ESR1: variants seen among roughly 807,000 people sequenced by gnomAD.
ESR1 encodes the protein estrogen receptor.
Under a neutral mutation model 52.7 loss-of-function variants are expected in ESR1, and 12 were observed. That is an observed-to-expected ratio of 0.23 (90% confidence interval 0.15 to 0.37). The LOEUF is 0.37. ESR1 is among the 10% of genes least tolerant of loss of function. The probability of loss-of-function intolerance (pLI) is 1.00; values close to 1 mark genes in which losing one functional copy is unlikely to be tolerated. For missense variants in ESR1, 584 were observed against 779.7 expected, an observed-to-expected ratio of 0.75 and a Z score of 2.99; for synonymous variants, 305 against 316.8, an observed-to-expected ratio of 0.96 and a Z score of 0.39.
chr6:152,017,365 G>A (rs1024698775), intron 5 of ESR1, among the ~76,000 whole-genome samples: 4 of 152,144 alleles, frequency 2.6e-5, no homozygotes, highest in African/African-American at 9.7e-5. Flanking sequence ...GTATCCTGCA[G>A]CAGTGAGTTC....
At chr6:151,702,761 T>G (rs553947946) in intron 2 of ESR1, among the ~76,000 whole-genome samples, 3 of 152,234 alleles carry the variant, frequency 2.0e-5, no homozygotes, top group Non-Finnish European at 2.9e-5. Flanking sequence ...AGTCCATTTC[T>G]CATTTCCTCC....
chr6:151,662,265 C>T (rs539089737), intron 1 of ESR1, among the ~76,000 whole-genome samples: 4 of 152,220 alleles, frequency 2.6e-5, no homozygotes, highest in Admixed American at 2.6e-4. Context: ...TCACAGAAGT[C>T]GAAGTTTCAT....
At chr6:152,013,483 A>T (rs933889863) in intron 5 of ESR1, among the ~76,000 whole-genome samples, 3 of 152,266 alleles carry the variant, frequency 2.0e-5, no homozygotes, top group African/African-American at 7.2e-5. Flanking sequence ...ATGTTGACAC[A>T]ATTATGCAGA....
At position 152,120,302 on chromosome 6, in the gene ESR1, G is replaced by A. The variant is rs530749920; in HGVS notation, c.851-4964G>A. Among the ~76,000 whole-genome samples, 88 of 152,300 alleles carry A rather than the reference G, an allele frequency of 5.8e-4. 1 individual carries two copies. The highest frequency in any genetic ancestry group is 2.0e-3 in the African/African-American group (82 of 41,582). The stretch of plus-strand genomic sequence containing the variant: ...AGTGACAGGAAAGTGAGGGAAGAGC[G>A]AGGCCTGAAGAGTGCTCCATCTCAG... On this transcript the variant is annotated intron_variant, in intron 6 of 6. Transcript: ENST00000427531.
intron 3 of ESR1, among the ~76,000 whole-genome samples, chr6:151,939,133 A>G (rs987519465): frequency 1.3e-5 from 2 of 152,218 alleles, no homozygotes; most frequent in Non-Finnish European, 2.9e-5. Flanking sequence ...ATGTTCATGT[A>G]TGAATGACAA....
chr6:151,966,721 A>G (rs1035809794), intron 4 of ESR1, among the ~76,000 whole-genome samples: 10 of 152,156 alleles, frequency 6.6e-5, no homozygotes, highest in Non-Finnish European at 7.3e-5. Flanking sequence ...TGCTAATAGT[A>G]CTTTTGTCCT....
chr6:151,659,010 T>G (rs978641977), intron 1 of ESR1, among the ~76,000 whole-genome samples: 1 of 152,120 alleles, frequency 6.6e-6, no homozygotes, highest in Non-Finnish European at 1.5e-5. Context: ...CTAAGGCAAG[T>G]TTTTTTGCTC....
At chr6:151,838,552 C>T (rs746242576) in intron 1 of ESR1, among the ~76,000 whole-genome samples, 1 of 152,188 alleles carries the variant, frequency 6.6e-6, no homozygotes, top group Non-Finnish European at 1.5e-5. Flanking sequence ...GTTATGTTAT[C>T]TTGATCTGAT....
chr6:152,060,551 G>T (rs1250563386), intron 5 of ESR1, among the ~76,000 whole-genome samples: 2 of 151,734 alleles, frequency 1.3e-5, no homozygotes, highest in Admixed American at 1.3e-4. Context: ...CAACCATCAG[G>T]ACTTGTTACA....
intron 4 of ESR1, among the ~76,000 whole-genome samples, chr6:151,946,043 A>G (rs543548093): frequency 1.3e-5 from 2 of 152,366 alleles, no homozygotes; most frequent in South Asian, 4.1e-4. Context: ...GAGTACCTAC[A>G]TATTTTAGCA....
chr6:151,980,790 G>A (rs1009306853), intron 4 of ESR1, among the ~76,000 whole-genome samples: 27 of 152,114 alleles, frequency 1.8e-4, no homozygotes, highest in African/African-American at 5.8e-4. Context: ...TGCAACCTCC[G>A]CCTCCCGGGT....
intron 6 of ESR1, among the ~76,000 whole-genome samples, chr6:152,086,893 C>T (rs3778090): frequency 0.11 from 17,172 of 152,040 alleles, 1,215 homozygotes; most frequent in East Asian, 0.33. Flanking sequence ...GCAGGCTCTT[C>T]ACCTTTCAGG....
rs537952216 is a variant in ESR1, at chr6:152,042,499, G to A, written c.1236-18492G>A. 9.0e-3 allele frequency among the ~76,000 whole-genome samples: 1,370 copies of A among 152,278 alleles called. 8 individuals carry two copies. Among genetic ancestry groups the A allele is most frequent in the Non-Finnish European group, 0.014 (973 of 68,022 alleles). On this transcript the variant is annotated intron_variant, in intron 5 of 7. Coordinates refer to ENST00000206249, the MANE Select transcript of ESR1 (RefSeq NM_000125.4). The stretch of plus-strand genomic sequence containing the variant: ...CCAGTGCACAGTTACCCTGGTAAAA[G>A]GCCAGAGGTCTCCTGGGGGAAGGAT...
At chr6:152,023,488 T>A (rs1199602624) in intron 5 of ESR1, among the ~76,000 whole-genome samples, 1 of 152,188 alleles carries the variant, frequency 6.6e-6, no homozygotes, top group African/African-American at 2.4e-5. Context: ...ATCCTAAATA[T>A]CATACATCAG....
intron 5 of ESR1, among the ~76,000 whole-genome samples, chr6:152,021,880 C>G (rs934641948): frequency 3.3e-5 from 5 of 152,292 alleles, no homozygotes; most frequent in Middle Eastern, 3.4e-3. Context: ...TTCTCTCTTG[C>G]CTGCTGCCAT....
In ESR1 at chr6:151,697,925, C is replaced by T. The variant is rs139849501; in HGVS notation, c.-201-3950C>T. The stretch of plus-strand genomic sequence containing the variant: ...ACCAGCCTGGCCAACATGGTGAAAC[C>T]CCTTCTTTACTAAAAATAAAAAATT... On this transcript the variant is annotated intron_variant, in intron 1 of 2. Coordinates refer to the ESR1 transcript ENST00000404742. Among the ~76,000 whole-genome samples the T allele has an allele frequency of 6.6e-5, 10 of 152,058 alleles. No homozygotes were observed. The East Asian group carries it at 1.9e-3, about 29-fold the overall frequency.
At chr6:151,713,432 C>A (rs1188166939) in intron 2 of ESR1, among the ~76,000 whole-genome samples, 1 of 152,154 alleles carries the variant, frequency 6.6e-6, no homozygotes, top group African/African-American at 2.4e-5. Flanking sequence ...CCTCTTTGTA[C>A]CTCTGGTAGA....
chr6:151,688,818 G>A (rs1778787982), upstream of ESR1, among the ~76,000 whole-genome samples: 1 of 152,148 alleles, frequency 6.6e-6, no homozygotes, highest in Non-Finnish European at 1.5e-5. Flanking sequence ...TAAATACTAT[G>A]TGATTTTATA....
At chr6:151,890,678 A>G (rs1461805388) in intron 3 of ESR1, among the ~76,000 whole-genome samples, 3 of 152,152 alleles carry the variant, frequency 2.0e-5, no homozygotes, top group African/African-American at 4.8e-5. Flanking sequence ...TGTTGGGTGC[A>G]TATGTATGTT....
Sources: allele counts gnomAD v4.1 joint callset (sites outside exome capture counted in the v4.1 genomes callset), GRCh38; gene constraint gnomAD v4.1.1; transcripts MANE v1.5; gene names NCBI Gene and HGNC (gene_info 2026-07-23, HGNC 2026-07-21).